The following TGFBR3 variants were observed in gnomAD, a reference collection of about 807,000 sequenced individuals.
The protein encoded by TGFBR3 is transforming growth factor beta receptor type 3.
Under a neutral mutation model 87.9 loss-of-function variants are expected in TGFBR3, and 46 were observed. That is an observed-to-expected ratio of 0.52 (90% CI 0.41 to 0.67). TGFBR3 has a LOEUF of 0.67. TGFBR3 is among the 30% of genes least tolerant of loss of function. TGFBR3 has a pLI of 0.00. For missense variants in TGFBR3, 866 were observed against 1,041.9 expected (o/e 0.83, Z 2.32); for synonymous variants, 381 against 391.6 (o/e 0.97, Z 0.32).
intron 3 of TGFBR3, among the ~76,000 whole-genome samples, chr1:91,787,363 C>T (rs1306340768): frequency 2.0e-5 from 3 of 151,740 alleles, no homozygotes; most frequent in African/African-American, 7.3e-5. Context: ...GATGAGGAAA[C>T]AGGGCTTAGG....
chr1:91,845,768 T>G (rs1677444308), intron 2 of TGFBR3, among the ~76,000 whole-genome samples: 1 of 152,136 alleles, frequency 6.6e-6, no homozygotes, highest in Admixed American at 6.6e-5. Flanking sequence ...AAAATTCACT[T>G]TTTGCTGACC....
At chr1:91,736,815 T>C (rs903975022) in intron 4 of TGFBR3, among the ~76,000 whole-genome samples, 10 of 152,154 alleles carry the variant, frequency 6.6e-5, no homozygotes, top group African/African-American at 2.2e-4. Flanking sequence ...GTTCTGAATG[T>C]TTAGACGAGA....
chr1:91,785,492 G>A lies in TGFBR3; in HGVS notation c.246+11795C>T, dbSNP rs116085556. On this transcript the variant is annotated intron_variant, in intron 3 of 16. Coordinates refer to ENST00000212355, the MANE Select transcript of TGFBR3 (RefSeq NM_003243.5). ...TTTAAACAGGTAAACTTTATGGTAC[G>A]TAAATTATATCTCATTAAAGCTATT... Among the ~76,000 whole-genome samples the A allele has an allele frequency of 9.4e-3, 1,435 of 152,284 alleles. 22 individuals carry two copies. Among genetic ancestry groups the A allele is most frequent in the African/African-American group, 0.032 (1,338 of 41,556 alleles).
chr1:91,828,702 A>G (rs1473487074), intron 2 of TGFBR3, among the ~76,000 whole-genome samples: 3 of 152,308 alleles, frequency 2.0e-5, no homozygotes, highest in Non-Finnish European at 4.4e-5. Context: ...GCACACTACT[A>G]AAGTTAAGGA....
chr1:91,838,046 C>T (rs771566727), intron 2 of TGFBR3, among the ~76,000 whole-genome samples: 8 of 152,106 alleles, frequency 5.3e-5, no homozygotes, highest in Non-Finnish European at 8.8e-5. Flanking sequence ...AGGCAATCCC[C>T]CTCATCTGCC....
chr1:91,735,911 G>A (rs907807025), intron 4 of TGFBR3, among the ~76,000 whole-genome samples: 1 of 152,142 alleles, frequency 6.6e-6, no homozygotes, highest in East Asian at 1.9e-4. Flanking sequence ...AACTATAAAT[G>A]TCTTGTATTA....
intron 2 of TGFBR3, among the ~76,000 whole-genome samples, chr1:91,857,533 C>G (rs896905242): frequency 6.6e-6 from 1 of 152,186 alleles, no homozygotes; most frequent in Admixed American, 6.5e-5. Flanking sequence ...AGGGCTTCCC[C>G]TCGTGACCCC....
chr1:91,844,906 C>A (rs1677413906), intron 2 of TGFBR3, among the ~76,000 whole-genome samples: 1 of 152,142 alleles, frequency 6.6e-6, no homozygotes, highest in African/African-American at 2.4e-5. Context: ...AAAAAGTTGG[C>A]TGGGAGTCAT....
At chr1:91,846,078 G>A (rs1677486197) in intron 2 of TGFBR3, among the ~76,000 whole-genome samples, 1 of 152,304 alleles carries the variant, frequency 6.6e-6, no homozygotes, top group Non-Finnish European at 1.5e-5. Context: ...CTCACGGAGA[G>A]CCTAGAGCAG....
At chr1:91,747,699 G>T (rs900044822) in intron 4 of TGFBR3, among the ~76,000 whole-genome samples, 2 of 152,102 alleles carry the variant, frequency 1.3e-5, no homozygotes, top group African/African-American at 4.8e-5. Context: ...TTTTGTAGAC[G>T]CAATTAAACT....
In TGFBR3 at chr1:91,734,773, T is replaced by C. The variant is rs1368461707; in HGVS notation, c.568+3A>G. 3 of 1,614,080 alleles carry C rather than the reference T, an allele frequency of 1.9e-6. No homozygotes were observed. Among genetic ancestry groups the C allele is most frequent in the Non-Finnish European group, 2.5e-6 (3 of 1,179,998 alleles). ...TCATTAACTGAAGCCACATAAAATTTACCTTCCCCCACTTTAATATAAATG... is the reference window on the plus strand; with the variant it reads ...TCATTAACTGAAGCCACATAAAATTCACCTTCCCCCACTTTAATATAAATG... On this transcript the variant is annotated splice_donor_region_variant and intron_variant, in intron 5 of 16. Coordinates refer to ENST00000212355, the MANE Select transcript of TGFBR3 (RefSeq NM_003243.5).
At chr1:91,745,485 A>G (rs949584996) in intron 4 of TGFBR3, among the ~76,000 whole-genome samples, 9 of 152,202 alleles carry the variant, frequency 5.9e-5, no homozygotes, top group African/African-American at 2.2e-4. Flanking sequence ...GGATCTACAG[A>G]TTGGCCCTAG....
chr1:91,738,026 A>C (rs1485364402), intron 4 of TGFBR3, among the ~76,000 whole-genome samples: 1 of 152,184 alleles, frequency 6.6e-6, no homozygotes, highest in Non-Finnish European at 1.5e-5. Flanking sequence ...CAATCAGTTG[A>C]AGGCCTGAAT....
At chr1:91,800,242 ATAT>A (rs1293594921) in intron 2 of TGFBR3, among the ~76,000 whole-genome samples, 10 of 113,020 alleles carry the variant, frequency 8.8e-5, no homozygotes, top group Admixed American at 6.0e-4. Flanking sequence ...AAAAAAAAAA[ATAT>A]ATATATATAT....
chr1:91,802,314 C>T (rs1056449312), intron 2 of TGFBR3, among the ~76,000 whole-genome samples: 7 of 152,106 alleles, frequency 4.6e-5, no homozygotes, highest in African/African-American at 1.7e-4. Flanking sequence ...CATCTCTTTA[C>T]AGAAATGACT....
chr1:91,686,215 C>T lies in TGFBR3; in HGVS notation c.2438-2358G>A, dbSNP rs746217656. 7.2e-5 allele frequency among the ~76,000 whole-genome samples: 11 copies of T among 152,306 alleles called. No individual in the cohort carries two copies. In the South Asian group the frequency reaches 8.3e-4, roughly 11 times the overall value. On this transcript the variant is annotated intron_variant, in intron 16 of 16. Coordinates refer to ENST00000212355, the MANE Select transcript of TGFBR3 (RefSeq NM_003243.5). ...CCAGGAAGCCTGAATATCTGCTTTCCGATGTCTATTTGCCAAATATAATTT... is the reference window on the plus strand; with the variant it reads ...CCAGGAAGCCTGAATATCTGCTTTCTGATGTCTATTTGCCAAATATAATTT...
chr1:91,683,490 G>A lies in TGFBR3; in HGVS notation c.*249C>T, dbSNP rs1164568067. The A allele has an allele frequency of 2.9e-6, 2 of 679,236 alleles. No individual in the cohort carries two copies. Among genetic ancestry groups the A allele is most frequent in the East Asian group, 5.7e-5 (2 of 35,294 alleles). The allele number at this position is 679,236 out of a possible 1,614,324, so 42.1% of individuals were successfully genotyped here. A position where few individuals can be genotyped will look rare whatever the true frequency, so the allele number is the denominator to read the frequency against. On this transcript the variant is annotated 3_prime_UTR_variant, in exon 17 of 17. Coordinates refer to ENST00000212355, the MANE Select transcript of TGFBR3 (RefSeq NM_003243.5). ...AAGCCTGTGAGGGGCTGGTGGAGAA[G>A]ACCACCATTTTAGCTTTCTCACATG...
At chr1:91,720,562 C>T (rs909271509) in intron 8 of TGFBR3, among the ~76,000 whole-genome samples, 2 of 152,206 alleles carry the variant, frequency 1.3e-5, no homozygotes, top group African/African-American at 2.4e-5. Context: ...AATATTCCTA[C>T]GCCCAGGTTG....
chr1:91,828,238 T>C (rs1571550688), intron 2 of TGFBR3, among the ~76,000 whole-genome samples: 2 of 152,178 alleles, frequency 1.3e-5, no homozygotes, highest in East Asian at 3.9e-4. Flanking sequence ...TGGATTCTCC[T>C]GCACCATGAA....
Sources: gnomAD v4.1 joint callset for allele counts (sites outside exome capture counted in the v4.1 genomes callset) on GRCh38, gnomAD v4.1.1 for gene constraint, MANE v1.5 for transcripts, NCBI Gene and HGNC (gene_info 2026-07-23, HGNC 2026-07-21) for gene names.